The following ST8SIA1 variants were observed in gnomAD, a reference collection of about 807,000 sequenced individuals.
The protein encoded by ST8SIA1 is ST8 alpha-N-acetyl-neuraminide alpha-2,8-sialyltransferase 1.
Under a neutral mutation model 35.9 loss-of-function variants are expected in ST8SIA1, and 16 were observed. The observed-to-expected ratio is 0.45, with a 90% CI of 0.30 to 0.68. The LOEUF (loss-of-function observed/expected upper bound fraction) is 0.68. Ranked by LOEUF, ST8SIA1 falls within the 30% of genes least tolerant of loss-of-function variation. The pLI, the probability that ST8SIA1 is intolerant of heterozygous loss-of-function variation, is 0.09. For synonymous variants in ST8SIA1, 170 were observed against 169.6 expected (o/e 1.00, Z -0.02); for missense variants, 383 against 453.6 (o/e 0.84, Z 1.41).
At chr12:22,298,817 A>G (rs1866280347) in intron 1 of ST8SIA1, among the ~76,000 whole-genome samples, 1 of 152,222 alleles carries the variant, frequency 6.6e-6, no homozygotes, top group South Asian at 2.1e-4. Flanking sequence ...TTTTGTGAAT[A>G]TCACTGGCCA....
chr12:22,303,846 C>CCACG (rs1866348737), intron 1 of ST8SIA1, among the ~76,000 whole-genome samples: 1 of 140,706 alleles, frequency 7.1e-6, no homozygotes, highest in African/African-American at 2.7e-5. Flanking sequence ...CACCACCCTG[C>CCACG]CACACACACA....
intron 4 of ST8SIA1, among the ~76,000 whole-genome samples, chr12:22,245,578 TGA>T (rs1333126982): frequency 5.9e-5 from 9 of 152,314 alleles, no homozygotes; most frequent in Middle Eastern, 3.4e-3. Context: ...TCAGAAGGTG[TGA>T]TAGTGTAATG....
intron 1 of ST8SIA1, among the ~76,000 whole-genome samples, chr12:22,321,497 T>A (rs938922953): frequency 6.6e-6 from 1 of 152,214 alleles, no homozygotes; most frequent in Non-Finnish European, 1.5e-5. Context: ...TCTTCTTGCC[T>A]TCTGCCGCAA....
chr12:22,273,006 GC>G (rs1320887908), intron 2 of ST8SIA1, among the ~76,000 whole-genome samples: 2 of 152,118 alleles, frequency 1.3e-5, no homozygotes, highest in Admixed American at 1.3e-4. Context: ...GGTAACAAAA[GC>G]GCTCGGGGTC....
chr12:22,280,664 A>T (rs1169429763), intron 2 of ST8SIA1, among the ~76,000 whole-genome samples: 1 of 152,256 alleles, frequency 6.6e-6, no homozygotes, highest in Non-Finnish European at 1.5e-5. Flanking sequence ...ATTTTCAATT[A>T]TTTCTAAATT....
chr12:22,276,360 G>A (rs1018771447), intron 2 of ST8SIA1, among the ~76,000 whole-genome samples: 1 of 152,166 alleles, frequency 6.6e-6, no homozygotes, highest in African/African-American at 2.4e-5. Context: ...CCTCTGTCCC[G>A]AGGTTGTCGT....
At chr12:22,235,816 C>T (rs1024640987) in intron 4 of ST8SIA1, among the ~76,000 whole-genome samples, 3 of 152,094 alleles carry the variant, frequency 2.0e-5, no homozygotes, top group Non-Finnish European at 4.4e-5. Context: ...TCTCCAGGTC[C>T]TCTCTGTCCC....
At chr12:22,265,822 A>G (rs11046353) in intron 2 of ST8SIA1, among the ~76,000 whole-genome samples, 54,890 of 151,724 alleles carry the variant, frequency 0.36, 10,230 homozygotes, top group Middle Eastern at 0.47. Flanking sequence ...GTTCTTGCCT[A>G]TCATCAATCC....
chr12:22,259,464 A>T (rs1865762748), intron 2 of ST8SIA1, among the ~76,000 whole-genome samples: 1 of 127,394 alleles, frequency 7.8e-6, no homozygotes, highest in South Asian at 2.9e-4. Context: ...AATACTATGG[A>T]TTTTTTTTTC....
chr12:22,243,267 C>T (rs1865560276), intron 4 of ST8SIA1, among the ~76,000 whole-genome samples: 1 of 152,130 alleles, frequency 6.6e-6, no homozygotes, highest in Admixed American at 6.6e-5. Context: ...ATTTCCACTG[C>T]ACATCTCTGC....
chr12:22,300,896 A>C (rs1212543733), intron 1 of ST8SIA1, among the ~76,000 whole-genome samples: 1 of 152,146 alleles, frequency 6.6e-6, no homozygotes, highest in Non-Finnish European at 1.5e-5. Flanking sequence ...TTTGGTATAA[A>C]AATTATATAG....
At chr12:22,287,341 G>T (rs752022935) in intron 1 of ST8SIA1, 48 bp from the exon 2 acceptor site, 38 of 1,577,014 alleles carry the variant, frequency 2.4e-5, no homozygotes. Flanking sequence ...GTTAAATGAG[G>T]AGCAGATTCA....
chr12:22,318,286 TGAAA>T (rs1310116469), intron 1 of ST8SIA1, among the ~76,000 whole-genome samples: 12 of 152,136 alleles, frequency 7.9e-5, no homozygotes, highest in Admixed American at 7.9e-4. Flanking sequence ...TGGAGAGAAA[TGAAA>T]GAATCACTTC....
intron 2 of ST8SIA1, among the ~76,000 whole-genome samples, chr12:22,281,879 A>G (rs1866040741): frequency 1.3e-5 from 2 of 151,886 alleles, no homozygotes; most frequent in South Asian, 2.1e-4. Flanking sequence ...GTGGTAGCAC[A>G]CGCCTATAAT....
At chr12:22,307,150 T>C (rs1866395490) in intron 1 of ST8SIA1, among the ~76,000 whole-genome samples, 1 of 152,104 alleles carries the variant, frequency 6.6e-6, no homozygotes, top group African/African-American at 2.4e-5. Flanking sequence ...TCTAGAAATA[T>C]TTACTGATCC....
At chr12:22,211,837 G>A (rs1204127890) in intron 4 of ST8SIA1, among the ~76,000 whole-genome samples, 2 of 152,070 alleles carry the variant, frequency 1.3e-5, no homozygotes, top group Non-Finnish European at 2.9e-5. Context: ...TCAGCCTCCC[G>A]AGTAGCTGGG....
At chr12:22,296,607 A>T (rs1866247244) in intron 1 of ST8SIA1, among the ~76,000 whole-genome samples, 1 of 152,190 alleles carries the variant, frequency 6.6e-6, no homozygotes. Flanking sequence ...TCTGTTATAC[A>T]TGAATTCGTA....
chr12:22,312,627 G>A (rs558775964), intron 1 of ST8SIA1, among the ~76,000 whole-genome samples: 2 of 150,998 alleles, frequency 1.3e-5, no homozygotes, highest in East Asian at 3.9e-4. Context: ...GCTCTTGTTG[G>A]TAAATATAAA....
intron 2 of ST8SIA1, among the ~76,000 whole-genome samples, chr12:22,266,848 T>TATATACACACAC (rs1555158440): frequency 7.7e-4 from 112 of 145,048 alleles, no homozygotes; most frequent in African/African-American, 2.8e-3. Flanking sequence ...CACAAAAGTA[T>TATATACACACAC]ACACACACAC....
Sources: gnomAD v4.1 joint callset for allele counts (sites outside exome capture counted in the v4.1 genomes callset) on GRCh38, gnomAD v4.1.1 for gene constraint, MANE v1.5 for transcripts, NCBI Gene and HGNC (gene_info 2026-07-23, HGNC 2026-07-21) for gene names.